RAB11FIP4: variants seen among roughly 807,000 people sequenced by gnomAD.
RAB11FIP4 encodes the protein rab11 family-interacting protein 4.
RAB11FIP4 carries 23 observed loss-of-function variants against 74.3 expected under a neutral mutation model. The observed-to-expected ratio is 0.31, with a 90% confidence interval of 0.22 to 0.44. The LOEUF is 0.44. RAB11FIP4 is among the 20% of genes least tolerant of loss of function. RAB11FIP4 has a pLI of 1.00. For synonymous variants in RAB11FIP4, 360 were observed against 359.9 expected (o/e 1.00, Z 0.00); for missense variants, 630 against 863.9 (o/e 0.73, Z 3.39).
intron 1 of RAB11FIP4, among the ~76,000 whole-genome samples, chr17:31,412,001 G>A (rs778114145): frequency 7.5e-4 from 114 of 152,384 alleles, no homozygotes; most frequent in African/African-American, 2.5e-3. Context: ...ATGAGGGGCC[G>A]TGTGAGGTTC....
At chr17:31,439,923 C>T (rs1342172225) in intron 3 of RAB11FIP4, among the ~76,000 whole-genome samples, 2 of 152,148 alleles carry the variant, frequency 1.3e-5, no homozygotes, top group African/African-American at 2.4e-5. Flanking sequence ...AGGTGTGAGC[C>T]ACAGCAACAG....
At chr17:31,478,825 G>A (rs1399857941) in intron 3 of RAB11FIP4, among the ~76,000 whole-genome samples, 1 of 152,354 alleles carries the variant, frequency 6.6e-6, no homozygotes, top group Non-Finnish European at 1.5e-5. Context: ...GACACCTGAT[G>A]TGGGCTGCCA....
At chr17:31,499,269 G>A (rs528764950) in intron 3 of RAB11FIP4, among the ~76,000 whole-genome samples, 2 of 152,196 alleles carry the variant, frequency 1.3e-5, no homozygotes, top group Non-Finnish European at 2.9e-5. Flanking sequence ...CCAAAGGGGA[G>A]TAAAGAGAAA....
intron 1 of RAB11FIP4, among the ~76,000 whole-genome samples, chr17:31,414,727 C>A (rs981916001): frequency 4.6e-5 from 7 of 152,238 alleles, no homozygotes; most frequent in Admixed American, 3.9e-4. Flanking sequence ...GCCAGAGGCA[C>A]TCCAAAGCCG....
chr17:31,522,340 T>G lies in RAB11FIP4; in HGVS notation c.894-20T>G. On this transcript the variant is annotated intron_variant, in intron 6 of 14. Transcript: ENST00000621161. ...GACTAGAACCCCTCTGTTCAATGAC[T>G]GTTTCCTTTCTCTCTCTAGCCCCAA... 1 of 1,612,380 alleles carries G rather than the reference T, an allele frequency of 6.2e-7. No homozygotes were observed. Among genetic ancestry groups the G allele is most frequent in the Non-Finnish European group, 8.5e-7 (1 of 1,179,390 alleles).
intron 1 of RAB11FIP4, among the ~76,000 whole-genome samples, chr17:31,419,294 T>G (rs1019954739): frequency 1.1e-4 from 17 of 151,742 alleles, no homozygotes; most frequent in Non-Finnish European, 2.4e-4. Context: ...TTTGTTTTTT[T>G]TTTTTGGTAT....
chr17:31,504,103 A>T (rs1367993059), intron 3 of RAB11FIP4, among the ~76,000 whole-genome samples: 1 of 147,802 alleles, frequency 6.8e-6, no homozygotes. Flanking sequence ...CTATTTTTTC[A>T]TGTTTCCATA....
chr17:31,487,570 A>G (rs1240250006), intron 3 of RAB11FIP4, among the ~76,000 whole-genome samples: 1 of 151,978 alleles, frequency 6.6e-6, no homozygotes, highest in East Asian at 1.9e-4. Context: ...AGTTGTGGGT[A>G]GGACTCTGGA....
Position 31,525,073 on chromosome 17 carries a change from C to T in RAB11FIP4, c.1134-17C>T, listed in dbSNP as rs1184747962. The T allele has an allele frequency of 7.7e-6, 12 of 1,550,016 alleles. No individual in the cohort carries two copies. The highest frequency in any genetic ancestry group is 4.9e-5 in the East Asian group (2 of 41,004). ...ATGGTGCAGGCCCCAAGAGCTTGCC[C>T]ATTGCGCTGTCCTCAGGGTGCATGA... On this transcript the variant is annotated splice_polypyrimidine_tract_variant and intron_variant, in intron 9 of 14. Coordinates refer to ENST00000621161, the MANE Select transcript of RAB11FIP4 (RefSeq NM_032932.6).
At chr17:31,475,449 G>A (rs761730971) in intron 3 of RAB11FIP4, among the ~76,000 whole-genome samples, 10 of 152,198 alleles carry the variant, frequency 6.6e-5, no homozygotes, top group Non-Finnish European at 1.5e-4. Flanking sequence ...GTAAAAAGAT[G>A]TGAGCTGTTG....
At chr17:31,487,960 G>GC in intron 3 of RAB11FIP4, 1 of 787,546 alleles carries the variant, frequency 1.3e-6, no homozygotes, top group Non-Finnish European at 1.5e-6. Flanking sequence ...CCTGTCCTCC[G>GC]CCCCCGCCCC....
chr17:31,396,163 G>A (rs1486602175), intron 1 of RAB11FIP4, among the ~76,000 whole-genome samples: 4 of 146,968 alleles, frequency 2.7e-5, no homozygotes, highest in Non-Finnish European at 5.9e-5. Context: ...TAGCCTGGGT[G>A]ACAGAGTGAG....
chr17:31,510,979 G>A (rs925788512), intron 3 of RAB11FIP4, among the ~76,000 whole-genome samples: 4 of 152,104 alleles, frequency 2.6e-5, no homozygotes, highest in African/African-American at 7.2e-5. Context: ...CTGTGATTGC[G>A]CCACTGCATT....
intron 3 of RAB11FIP4, among the ~76,000 whole-genome samples, chr17:31,510,915 G>A (rs1194577901): frequency 6.6e-6 from 1 of 152,112 alleles, no homozygotes; most frequent in Non-Finnish European, 1.5e-5. Flanking sequence ...TAGCTGCTTG[G>A]GAGGCTGAGC....
intron 3 of RAB11FIP4, among the ~76,000 whole-genome samples, chr17:31,475,997 A>T (rs1162472274): frequency 6.6e-6 from 1 of 152,062 alleles, no homozygotes; most frequent in Non-Finnish European, 1.5e-5. Flanking sequence ...GTCTTTAAAC[A>T]GAGACATGCT....
intron 3 of RAB11FIP4, among the ~76,000 whole-genome samples, chr17:31,479,913 T>C (rs190988182): frequency 1.9e-4 from 29 of 152,316 alleles, no homozygotes; most frequent in Admixed American, 1.2e-3. Context: ...CTTTAATGCA[T>C]TGTGATTTCA....
intron 8 of RAB11FIP4, 129 bp from the exon 9 acceptor site, chr17:31,523,764 C>G (rs2072712992): frequency 4.1e-6 from 4 of 982,144 alleles, no homozygotes; most frequent in Middle Eastern, 2.1e-4. Context: ...CCCACTCCCC[C>G]ACCCCACACA....
intron 1 of RAB11FIP4, among the ~76,000 whole-genome samples, chr17:31,397,979 G>A (rs554279962): frequency 1.3e-5 from 2 of 151,244 alleles, no homozygotes; most frequent in Non-Finnish European, 2.9e-5. Context: ...GGCTCAAACC[G>A]TCCTCCTGCC....
chr17:31,530,071 G>T (rs2072839712), intron 13 of RAB11FIP4, among the ~76,000 whole-genome samples: 1 of 152,236 alleles, frequency 6.6e-6, no homozygotes, highest in Non-Finnish European at 1.5e-5. Flanking sequence ...CCTTGGCTGC[G>T]CTGAGCAGGG....
Sources: allele counts gnomAD v4.1 joint callset (sites outside exome capture counted in the v4.1 genomes callset), GRCh38; gene constraint gnomAD v4.1.1; transcripts MANE v1.5; gene names NCBI Gene and HGNC (gene_info 2026-07-23, HGNC 2026-07-21).